The following NAV2 variants were observed in gnomAD, a reference collection of about 807,000 sequenced individuals.
NAV2 encodes the protein neuron navigator 2.
In NAV2, 54 loss-of-function variants were observed where a neutral mutation model predicts 223.2. That is an observed-to-expected ratio of 0.24 (90% confidence interval 0.19 to 0.30). The LOEUF (loss-of-function observed/expected upper bound fraction) is 0.30. Among genes scored for constraint, NAV2 ranks in the 10% least tolerant of loss-of-function variants. NAV2 has a pLI of 1.00. For synonymous variants in NAV2, 1,279 were observed against 1,239.3 expected (o/e 1.03, Z -0.67); for missense variants, 2,806 against 3,147.5 (o/e 0.89, Z 2.60).
chr11:19,938,131 A>C (rs892533643), intron 7 of NAV2, among the ~76,000 whole-genome samples: 4 of 152,234 alleles, frequency 2.6e-5, no homozygotes, highest in Non-Finnish European at 5.9e-5. Context: ...AGAGTTGGAA[A>C]GGCAGGAGAT....
chr11:19,453,978 T>C (rs1014364592), intron 1 of NAV2, among the ~76,000 whole-genome samples: 35 of 152,182 alleles, frequency 2.3e-4, no homozygotes, highest in African/African-American at 8.2e-4. Flanking sequence ...TGAATAGCCT[T>C]CTTGGGCAAT....
rs142041141 is a variant in NAV2 at position 20,054,349 on chromosome 11, T to C, written c.4642+109T>C. On this transcript the variant is annotated intron_variant, in intron 18 of 37. Transcript: ENST00000349880. ...ATAGTTTTTGGGGAGCAGGTGGTTT[T>C]GGTTACATGGGTAAGTTCTTTAGTG... 5.5e-5 allele frequency: 61 copies of C among 1,104,408 alleles called. No individual in the cohort carries two copies. In the East Asian group the frequency reaches 1.5e-3, roughly 28 times the overall value. The allele number at this position is 1,104,408 out of a possible 1,614,324, so 68.4% of individuals were successfully genotyped here.
intron 4 of NAV2, among the ~76,000 whole-genome samples, chr11:19,877,615 C>T (rs574063155): frequency 2.0e-5 from 3 of 151,568 alleles, no homozygotes; most frequent in South Asian, 2.1e-4. Flanking sequence ...TGGGACCACA[C>T]GCGCCCGCCA....
chr11:19,889,613 A>G (rs912921137), intron 5 of NAV2, among the ~76,000 whole-genome samples: 3 of 152,218 alleles, frequency 2.0e-5, no homozygotes, highest in Non-Finnish European at 4.4e-5. Context: ...GCTTGGCACA[A>G]TGCTGCAGCC....
At chr11:19,805,968 C>A (rs1485983276) in intron 1 of NAV2, among the ~76,000 whole-genome samples, 1 of 152,190 alleles carries the variant, frequency 6.6e-6, no homozygotes, top group African/African-American at 2.4e-5. Flanking sequence ...CCATGCGTGT[C>A]TGATTTCTGA....
chr11:19,551,120 G>A (rs185510365), intron 1 of NAV2, among the ~76,000 whole-genome samples: 146 of 152,350 alleles, frequency 9.6e-4, no homozygotes, highest in African/African-American at 3.2e-3. Flanking sequence ...GCACTGGCTC[G>A]CCCTTGCATG....
At chr11:19,735,698 G>A (rs538250724) in intron 1 of NAV2, among the ~76,000 whole-genome samples, 9 of 152,176 alleles carry the variant, frequency 5.9e-5, no homozygotes, top group Non-Finnish European at 5.9e-5. Flanking sequence ...ATAACCTGCC[G>A]ACAGCCCAGG....
At chr11:20,084,104 G>C (rs777563550) in intron 26 of NAV2, among the ~76,000 whole-genome samples, 1 of 152,096 alleles carries the variant, frequency 6.6e-6, no homozygotes, top group Non-Finnish European at 1.5e-5. Context: ...TTTTGGTTTT[G>C]GTTTTGTTTT....
intron 1 of NAV2, among the ~76,000 whole-genome samples, chr11:19,725,256 C>T (rs780376732): frequency 1.8e-4 from 27 of 152,180 alleles, no homozygotes; most frequent in African/African-American, 5.8e-4. Context: ...TGAGTGGAGG[C>T]GCCAGGTCTG....
chr11:19,720,017 A>G (rs1199153507), intron 1 of NAV2, among the ~76,000 whole-genome samples: 4 of 152,136 alleles, frequency 2.6e-5, no homozygotes, highest in Admixed American at 6.5e-5. Flanking sequence ...TGGGCTTCTT[A>G]ATGGTTCCTC....
chr11:19,872,975 C>A (rs566602145), intron 4 of NAV2, among the ~76,000 whole-genome samples: 1 of 152,212 alleles, frequency 6.6e-6, no homozygotes, highest in Non-Finnish European at 1.5e-5. Flanking sequence ...CCCACCAACC[C>A]TTCCCCAGAA....
chr11:19,666,738 G>T (rs909364918), intron 1 of NAV2, among the ~76,000 whole-genome samples: 1 of 151,744 alleles, frequency 6.6e-6, no homozygotes, highest in Non-Finnish European at 1.5e-5. Context: ...TGCTCATTCC[G>T]CCCCTTTACC....
At chr11:19,866,817 A>G (rs2062120842) in intron 3 of NAV2, among the ~76,000 whole-genome samples, 1 of 152,070 alleles carries the variant, frequency 6.6e-6, no homozygotes, top group East Asian at 1.9e-4. Context: ...TATCGAGTGT[A>G]CTATTTTTGA....
At chr11:20,082,223 A>C (rs2153665528) in intron 25 of NAV2, among the ~76,000 whole-genome samples, 1 of 152,332 alleles carries the variant, frequency 6.6e-6, no homozygotes, top group East Asian at 1.9e-4. Context: ...ATTGCTCAAA[A>C]AGAAGACATC....
At chr11:19,726,803 A>G (rs2051292879) in intron 1 of NAV2, among the ~76,000 whole-genome samples, 1 of 152,208 alleles carries the variant, frequency 6.6e-6, no homozygotes, top group Non-Finnish European at 1.5e-5. Flanking sequence ...CTGTATTTTA[A>G]TAAGATCCCG....
intron 1 of NAV2, among the ~76,000 whole-genome samples, chr11:19,566,506 G>C (rs1022587857): frequency 2.0e-5 from 3 of 152,190 alleles, no homozygotes; most frequent in African/African-American, 7.2e-5. Flanking sequence ...CCATAAACTT[G>C]AGGAGTTTTG....
At chr11:19,433,772 C>T (rs1312609828) in intron 1 of NAV2, among the ~76,000 whole-genome samples, 1 of 152,180 alleles carries the variant, frequency 6.6e-6, no homozygotes, top group Admixed American at 6.5e-5. Flanking sequence ...TTGTATTTCC[C>T]CCAATTCAAA....
intron 11 of NAV2, among the ~76,000 whole-genome samples, chr11:20,009,343 T>G (rs1385998152): frequency 6.6e-6 from 1 of 152,132 alleles, no homozygotes; most frequent in Non-Finnish European, 1.5e-5. Context: ...GTATAAAATT[T>G]GAGATTTGAT....
At chr11:20,050,960 GA>G (rs2153602285) in intron 16 of NAV2, among the ~76,000 whole-genome samples, 1 of 152,344 alleles carries the variant, frequency 6.6e-6, no homozygotes, top group South Asian at 2.1e-4. Context: ...CTGGGCAGTA[GA>G]AGGCACAGGA....
Sources: gnomAD v4.1 joint callset for allele counts (sites outside exome capture counted in the v4.1 genomes callset) on GRCh38, gnomAD v4.1.1 for gene constraint, MANE v1.5 for transcripts, NCBI Gene and HGNC (gene_info 2026-07-23, HGNC 2026-07-21) for gene names.